Variants in AUH observed in about 807,000 individuals in gnomAD.
AUH encodes methylglutaconyl-CoA hydratase, mitochondrial.
AUH carries 29 observed loss-of-function variants against 42.3 expected under a neutral mutation model. That is an observed-to-expected ratio of 0.69 (90% CI 0.51 to 0.93). The LOEUF (loss-of-function observed/expected upper bound fraction) is 0.93. Ranked by LOEUF, AUH falls within the 40% of genes least tolerant of loss-of-function variation. AUH has a pLI of 0.00. For missense variants in AUH, 452 were observed against 438.1 expected, an observed-to-expected ratio of 1.03 and a Z score of -0.28; for synonymous variants, 174 against 166.4, an observed-to-expected ratio of 1.05 and a Z score of -0.35.
At chr9:91,348,290 GA>G (rs1564126263) in intron 3 of AUH, among the ~76,000 whole-genome samples, 1 of 152,188 alleles carries the variant, frequency 6.6e-6, no homozygotes, top group Non-Finnish European at 1.5e-5. Context: ...TGGAACGCCT[GA>G]AACTCTCATC....
intron 4 of AUH, among the ~76,000 whole-genome samples, chr9:91,323,616 C>T (rs562156789): frequency 2.7e-5 from 4 of 146,252 alleles, no homozygotes; most frequent in African/African-American, 7.6e-5. Flanking sequence ...AGCGAGACTC[C>T]GGCTCAAAAA....
At chr9:91,246,181 C>T (rs548979228) in intron 6 of AUH, among the ~76,000 whole-genome samples, 1 of 152,314 alleles carries the variant, frequency 6.6e-6, no homozygotes, top group African/African-American at 2.4e-5. Flanking sequence ...AACACCACAA[C>T]AATTCTGAGC....
chr9:91,328,042 A>G (rs1830077775), intron 3 of AUH, among the ~76,000 whole-genome samples: 1 of 152,188 alleles, frequency 6.6e-6, no homozygotes, highest in Non-Finnish European at 1.5e-5. Flanking sequence ...AGGGGGCCCA[A>G]GCAAGGCCCA....
chr9:91,264,365 T>C (rs1038607657), intron 6 of AUH, among the ~76,000 whole-genome samples: 5 of 152,216 alleles, frequency 3.3e-5, no homozygotes, highest in East Asian at 1.9e-4. Flanking sequence ...AATTGCTTTT[T>C]TTCTGGGAGC....
At chr9:91,324,629 T>G (rs1367233232) in intron 4 of AUH, among the ~76,000 whole-genome samples, 1 of 149,930 alleles carries the variant, frequency 6.7e-6, no homozygotes, top group East Asian at 1.9e-4. Context: ...ATTAAAATGT[T>G]GAGTTTTTTT....
chr9:91,225,807 G>GT (rs1361567570), intron 6 of AUH, among the ~76,000 whole-genome samples: 1 of 151,270 alleles, frequency 6.6e-6, no homozygotes, highest in East Asian at 1.9e-4. Flanking sequence ...GCGGTGTTTG[G>GT]TTTTTTGTTC....
intron 6 of AUH, among the ~76,000 whole-genome samples, chr9:91,257,574 T>C (rs1320999653): frequency 6.6e-6 from 1 of 152,182 alleles, no homozygotes; most frequent in East Asian, 1.9e-4. Flanking sequence ...TCACAGCCCC[T>C]TGCCACCAAT....
chr9:91,255,561 T>C (rs985302181), intron 6 of AUH, among the ~76,000 whole-genome samples: 1 of 151,704 alleles, frequency 6.6e-6, no homozygotes, highest in Non-Finnish European at 1.5e-5. Context: ...CTGATTAAGA[T>C]AAAGATAAAT....
intron 6 of AUH, among the ~76,000 whole-genome samples, chr9:91,251,063 G>T (rs1227874467): frequency 6.6e-6 from 1 of 152,148 alleles, no homozygotes; most frequent in African/African-American, 2.4e-5. Context: ...ACCAGCCTAG[G>T]GTCCAGACCA....
chr9:91,224,493 G>C (rs1827322061), intron 6 of AUH, among the ~76,000 whole-genome samples: 1 of 152,050 alleles, frequency 6.6e-6, no homozygotes, highest in African/African-American at 2.4e-5. Context: ...TGTTGCCTGT[G>C]TTACTGGTGT....
chr9:91,235,073 T>C (rs1350341738), intron 6 of AUH, among the ~76,000 whole-genome samples: 8 of 151,826 alleles, frequency 5.3e-5, no homozygotes, highest in Middle Eastern at 6.8e-3. Flanking sequence ...GGAGCTTGGG[T>C]AAGCGGAGTA....
chr9:91,219,858 G>C (rs1422166157), intron 7 of AUH, among the ~76,000 whole-genome samples: 1 of 152,146 alleles, frequency 6.6e-6, no homozygotes, highest in Non-Finnish European at 1.5e-5. Context: ...TTTTTAAAAA[G>C]AATCAAATGC....
In AUH at chr9:91,274,302, A is replaced by G. The variant is rs143902522; in HGVS notation, c.655+21719T>C. ...ATGAGCAATGGGCTAGATACTGTTA[A>G]TACAGTAGTCAATCAAATGAAACAG... On this transcript the variant is annotated intron_variant, in intron 6 of 9. Transcript: ENST00000375731. Among the ~76,000 whole-genome samples the G allele has an allele frequency of 4.4e-3, 665 of 152,352 alleles. 10 individuals are homozygous for G. Among genetic ancestry groups the G allele is most frequent in the African/African-American group, 0.016 (648 of 41,572 alleles).
At chr9:91,273,951 A>G (rs550623511) in intron 6 of AUH, among the ~76,000 whole-genome samples, 5 of 152,324 alleles carry the variant, frequency 3.3e-5, no homozygotes, top group Non-Finnish European at 1.5e-5. Flanking sequence ...GACCAGGTAT[A>G]TTTGAATTTA....
At chr9:91,302,681 A>G (rs1324432168) in intron 4 of AUH, among the ~76,000 whole-genome samples, 3 of 152,214 alleles carry the variant, frequency 2.0e-5, no homozygotes, top group Admixed American at 6.5e-5. Flanking sequence ...AGGCAGGGGA[A>G]TTGCTTGAAC....
At chr9:91,325,265 T>C in intron 4 of AUH, 53 bp downstream of exon 4, 2 of 1,430,912 alleles carry the variant, frequency 1.4e-6, no homozygotes, top group Non-Finnish European at 2.0e-6. Context: ...TTTTTAAATG[T>C]GACATTTAAG....
chr9:91,224,770 G>A (rs773775346), intron 6 of AUH, among the ~76,000 whole-genome samples: 1 of 152,140 alleles, frequency 6.6e-6, no homozygotes, highest in Non-Finnish European at 1.5e-5. Context: ...CCAGTTTGCA[G>A]AAATCTAAGA....
At chr9:91,264,917 C>T (rs1031418959) in intron 6 of AUH, among the ~76,000 whole-genome samples, 3 of 151,990 alleles carry the variant, frequency 2.0e-5, no homozygotes, top group African/African-American at 7.2e-5. Flanking sequence ...GTGTATTTAC[C>T]TTTGGGTTTT....
intron 4 of AUH, among the ~76,000 whole-genome samples, chr9:91,310,377 C>G (rs961671705): frequency 6.6e-6 from 1 of 152,204 alleles, no homozygotes; most frequent in Non-Finnish European, 1.5e-5. Flanking sequence ...GTATGGCTAA[C>G]ATGTTTACAC....
Sources: allele counts gnomAD v4.1 joint callset (sites outside exome capture counted in the v4.1 genomes callset), GRCh38; gene constraint gnomAD v4.1.1; transcripts MANE v1.5; gene names NCBI Gene and HGNC (gene_info 2026-07-23, HGNC 2026-07-21).